ERICH1: variants seen among roughly 807,000 people sequenced by gnomAD.
ERICH1 encodes glutamate-rich protein 1.
In ERICH1, 56 loss-of-function variants were observed where a neutral mutation model predicts 39.6. The ratio of observed to expected loss-of-function variants is 1.41; its 90% CI spans 1.14 to 1.77. The LOEUF is 1.77. Among genes scored for constraint, ERICH1 ranks in the 40% most tolerant of loss-of-function variants. ERICH1 has a pLI of 0.00. For synonymous variants in ERICH1, 313 were observed against 223.6 expected (o/e 1.40, Z -3.57); for missense variants, 826 against 575.4 (o/e 1.44, Z -4.45).
Position 641,720 on chromosome 8 carries a change from T to G in ERICH1, c.977-26436A>C, listed in dbSNP as rs941118842. Among the ~76,000 whole-genome samples the G allele has an allele frequency of 4.4e-4, 67 of 151,590 alleles. 1 individual carries two copies. The highest frequency in any genetic ancestry group is 2.3e-3 in the Admixed American group (35 of 15,228). ...AGCGGAGCTCCTCCCGGAGGACCCC[T>G]CCCCCTCCCCGCCGATTCCTCTCCT... On this transcript the variant is annotated intron_variant, in intron 3 of 3. Transcript: ENST00000522706.
chr8:658,577 C>G (rs1276675145), intron 3 of ERICH1, among the ~76,000 whole-genome samples: 1 of 152,178 alleles, frequency 6.6e-6, no homozygotes, highest in East Asian at 1.9e-4. Context: ...CGGCCCACGT[C>G]CATGTTGATC....
chr8:726,084 G>A (rs922790748), intron 1 of ERICH1, among the ~76,000 whole-genome samples: 1 of 152,150 alleles, frequency 6.6e-6, no homozygotes, highest in African/African-American at 2.4e-5. Flanking sequence ...CACACACGGG[G>A]CCAGAATGAA....
downstream of ERICH1, among the ~76,000 whole-genome samples, chr8:663,596 C>T (rs1464814668): frequency 6.6e-6 from 1 of 152,118 alleles, no homozygotes; most frequent in Non-Finnish European, 1.5e-5. Flanking sequence ...GATGCTCTCA[C>T]CACAAACAGG....
chr8:684,168 A>G (rs1310809473), intron 3 of ERICH1, among the ~76,000 whole-genome samples: 2 of 152,232 alleles, frequency 1.3e-5, no homozygotes, highest in South Asian at 2.1e-4. Context: ...TATAAGCAAT[A>G]AAAGTCTTAA....
At chr8:656,829 C>T in intron 3 of ERICH1, 1 of 985,406 alleles carries the variant, frequency 1.0e-6, no homozygotes. Flanking sequence ...TCTGAAGAGC[C>T]CCCGGGGAGC....
chr8:640,159 C>T (rs143544504), intron 3 of ERICH1, among the ~76,000 whole-genome samples: 404 of 152,300 alleles, frequency 2.7e-3, no homozygotes, highest in African/African-American at 9.2e-3. Context: ...GGGAGATAAC[C>T]GAGAAACTGA....
intron 3 of ERICH1, chr8:626,941 T>C: frequency 2.8e-6 from 1 of 359,934 alleles, no homozygotes; most frequent in Non-Finnish European, 5.7e-6. Context: ...GCTGGGACCC[T>C]CTGGAACCCC....
chr8:715,205 G>T (rs962909161), intron 2 of ERICH1, among the ~76,000 whole-genome samples: 3 of 151,202 alleles, frequency 2.0e-5, no homozygotes, highest in East Asian at 2.0e-4. Flanking sequence ...CACCCAGGTG[G>T]TCTCTTCTCG....
intron 2 of ERICH1, among the ~76,000 whole-genome samples, chr8:698,899 G>GTTT (rs4045087): frequency 2.1e-5 from 3 of 140,392 alleles, no homozygotes; most frequent in East Asian, 2.1e-4. Context: ...GTCTCTGTGA[G>GTTT]TTTTTTTTTT....
At chr8:664,732 TAA>T (rs1801932001) in intron 5 of ERICH1, 56 bp from the exon 6 acceptor site, 1 of 1,445,564 alleles carries the variant, frequency 6.9e-7, no homozygotes, top group South Asian at 1.2e-5. Flanking sequence ...AGAAAAATCA[TAA>T]GTTATTATTA....
intron 1 of ERICH1, among the ~76,000 whole-genome samples, chr8:728,674 G>C (rs976904593): frequency 6.6e-6 from 1 of 152,196 alleles, no homozygotes; most frequent in African/African-American, 2.4e-5. Flanking sequence ...CTTCAATTAG[G>C]AGAGCAGTTC....
chr8:681,282 G>C (rs1199931329), intron 3 of ERICH1, among the ~76,000 whole-genome samples: 2 of 152,192 alleles, frequency 1.3e-5, no homozygotes, highest in African/African-American at 4.8e-5. Flanking sequence ...AGTTCCTGAT[G>C]CTTCTGGACA....
chr8:726,535 C>T (rs1296602680), intron 1 of ERICH1, among the ~76,000 whole-genome samples: 1 of 150,598 alleles, frequency 6.6e-6, no homozygotes, highest in African/African-American at 2.5e-5. Context: ...CTCATGTACA[C>T]ACACACCACA....
At chr8:669,994 C>T (rs775716171) in intron 4 of ERICH1, among the ~76,000 whole-genome samples, 10 of 152,184 alleles carry the variant, frequency 6.6e-5, no homozygotes, top group Non-Finnish European at 1.5e-5. Flanking sequence ...CCTCTCTCCT[C>T]TCCACCTGGG....
Position 673,607 on chromosome 8 carries a change from C to A in ERICH1, c.745G>T (p.Glu249Ter). 1 of 1,550,648 alleles carries A rather than the reference C, an allele frequency of 6.4e-7. No individual in the cohort carries two copies. Among genetic ancestry groups the A allele is most frequent in the African/African-American group, 1.3e-5 (1 of 74,332 alleles). ...EEDLTRARQE[E>*]GADASEEDPT... Reference sequence around the variant, plus strand: ...TCTTCCTCACTGGCGTCCGCACCCTCTTCCTGCCTGGCCCGTGTCAGGTCT... The same window carrying A: ...TCTTCCTCACTGGCGTCCGCACCCTATTCCTGCCTGGCCCGTGTCAGGTCT... Residue 249 changes from glutamate to a stop codon, truncating the protein, a stop_gained, in exon 4 of 6, where the codon GAG (glutamate) becomes TAG (stop). Transcript: ENST00000262109. LOFTEE classifies it high-confidence loss of function.
chr8:639,291 C>T (rs944044637), intron 3 of ERICH1, among the ~76,000 whole-genome samples: 7 of 152,314 alleles, frequency 4.6e-5, no homozygotes, highest in South Asian at 2.1e-4. Flanking sequence ...CTCATCCCAT[C>T]GCAGAGCATC....
In ERICH1 at chr8:705,991, A is replaced by G. The variant is rs116949258; in HGVS notation, c.169+9870T>C. Among the ~76,000 whole-genome samples, 82 of 152,274 alleles carry G rather than the reference A, an allele frequency of 5.4e-4. No individual in the cohort carries two copies. In the East Asian group the frequency reaches 0.015, roughly 28 times the overall value. On this transcript the variant is annotated intron_variant, in intron 2 of 5. Transcript: ENST00000262109. The stretch of plus-strand genomic sequence containing the variant: ...CTGAAGATGATAACGCTGTATTTTC[A>G]CCGCACCTTCTTAATGTTTGGATGC...
At position 673,448 on chromosome 8, in the gene ERICH1, T is replaced by C. The variant is rs1294635788; in HGVS notation, c.904A>G (p.Ser302Gly). 6.2e-7 allele frequency: 1 copy of C among 1,613,790 alleles called. No individual in the cohort carries two copies. Among genetic ancestry groups the C allele is most frequent in the Non-Finnish European group, 8.5e-7 (1 of 1,179,942 alleles). Residue 302 changes from serine to glycine, a missense_variant, in exon 4 of 6, where the codon AGC (serine) becomes GGC (glycine). Ser to Gly is a moderately conservative substitution (Grantham distance 56, BLOSUM62 0). Transcript: ENST00000262109. ...CCAGCCCATGTCGGGTCTTCCTCGC[T>C]GGCGTCCGCACCGTCCTCCTCCCTG... ...DTREEDGADA[S>G]EEDPTWAGEE...
At chr8:629,720 GACTCACACCCTCCC>G (rs1797849985) in intron 3 of ERICH1, among the ~76,000 whole-genome samples, 1 of 128,424 alleles carries the variant, frequency 7.8e-6, no homozygotes, top group African/African-American at 3.3e-5. Context: ...AGACAGAGCT[GACTCACACCCTCCC>G]GTGACAACCC....
Sources: gnomAD v4.1 joint callset for allele counts (sites outside exome capture counted in the v4.1 genomes callset) on GRCh38, gnomAD v4.1.1 for gene constraint, MANE v1.5 for transcripts, NCBI Gene and HGNC (gene_info 2026-07-23, HGNC 2026-07-21) for gene names.